SLCO2A1: variants seen among roughly 807,000 people sequenced by gnomAD.
The protein encoded by SLCO2A1 is solute carrier organic anion transporter family member 2A1.
A neutral mutation model predicts 71.7 loss-of-function variants in SLCO2A1; 60 were observed. The observed-to-expected ratio is 0.84, with a 90% CI of 0.68 to 1.04. The LOEUF (loss-of-function observed/expected upper bound fraction) is 1.04, where lower values mean the gene tolerates loss of function less well. Among genes scored for constraint, SLCO2A1 ranks in the 50% least tolerant of loss-of-function variants. The probability of loss-of-function intolerance (pLI) is 0.00; values close to 1 mark genes in which losing one functional copy is unlikely to be tolerated. For missense variants in SLCO2A1, 745 were observed against 813.4 expected (o/e 0.92, Z 1.02); for synonymous variants, 308 against 326.7 (o/e 0.94, Z 0.62).
intron 3 of SLCO2A1, among the ~76,000 whole-genome samples, chr3:133,960,898 G>A (rs1323414895): frequency 6.6e-6 from 1 of 152,016 alleles, no homozygotes; most frequent in East Asian, 1.9e-4. Context: ...GATAAGGGTG[G>A]GGAAGTGGGG....
intron 1 of SLCO2A1, among the ~76,000 whole-genome samples, chr3:134,022,406 T>G (rs758749652): frequency 1.3e-4 from 20 of 152,166 alleles, no homozygotes; most frequent in Non-Finnish European, 2.1e-4. Flanking sequence ...CATTTTTACC[T>G]ACATTAAAAA....
At chr3:133,964,904 G>A (rs35893889) in intron 3 of SLCO2A1, among the ~76,000 whole-genome samples, 16,744 of 152,264 alleles carry the variant, frequency 0.11, 966 homozygotes, top group Middle Eastern at 0.2. Context: ...CCAGCACATG[G>A]TCTGGCACCA....
intron 5 of SLCO2A1, among the ~76,000 whole-genome samples, 195 bp downstream of exon 5, chr3:133,953,468 C>A (rs917873752): frequency 1.3e-5 from 2 of 152,222 alleles, no homozygotes; most frequent in African/African-American, 4.8e-5. Context: ...CAGTGGCCAG[C>A]GTGGGCCCTG....
At chr3:134,024,387 G>A (rs1206169168) in intron 1 of SLCO2A1, among the ~76,000 whole-genome samples, 1 of 152,210 alleles carries the variant, frequency 6.6e-6, no homozygotes, top group Non-Finnish European at 1.5e-5. Flanking sequence ...ATTTTTGTGG[G>A]TGACAGTTAA....
chr3:134,029,924 C>A lies in SLCO2A1; in HGVS notation c.-122G>T, dbSNP rs1576467227. 2.2e-6 allele frequency: 1 copy of A among 447,268 alleles called. No individual in the cohort carries two copies. The highest frequency in any genetic ancestry group is 4.0e-5 in the East Asian group (1 of 24,892). 27.7% of individuals were successfully genotyped at this position (447,268 alleles called of 1,614,324 possible). ...CCGGAGGAGATTCGCGGAGCGGAGACTGAGCCAGCGAGTGCGCGCCTAGAA... is the reference window on the plus strand; with the variant it reads ...CCGGAGGAGATTCGCGGAGCGGAGAATGAGCCAGCGAGTGCGCGCCTAGAA... On this transcript the variant is annotated 5_prime_UTR_variant, in exon 1 of 14. Transcript: ENST00000310926.
intron 5 of SLCO2A1, 137 bp from the exon 6 acceptor site, chr3:133,951,481 T>C: frequency 1.9e-6 from 2 of 1,037,166 alleles, no homozygotes; most frequent in Non-Finnish European, 2.8e-6. Flanking sequence ...GCTAGATTCT[T>C]GGTCAAAACA....
In SLCO2A1 at chr3:133,945,175, C is replaced by G. The variant is rs755719931; in HGVS notation, c.1381G>C (p.Asp461His). Residue 461 changes from aspartate to histidine, a missense_variant, in exon 10 of 14, where the codon GAC (aspartate) becomes CAC (histidine). Coordinates refer to ENST00000310926, the MANE Select transcript of SLCO2A1 (RefSeq NM_005630.3). ...PDSIFHPVCG[D>H]NGIEYLSPCH... ...GGGGAGAGGTACTCGATTCCATTGT[C>G]TCCACAGACCGGGTGGAAGATAGAA... 10 of 1,614,006 alleles carry G rather than the reference C, an allele frequency of 6.2e-6. No individual in the cohort carries two copies. The Admixed American group carries it at 1.5e-4, about 24-fold the overall frequency.
chr3:133,942,547 A>G (rs1933452154), intron 11 of SLCO2A1, 58 bp downstream of exon 11: 2 of 1,533,530 alleles, frequency 1.3e-6, no homozygotes, highest in Non-Finnish European at 1.8e-6. Context: ...CGCAAAGTCA[A>G]AGGGAGATGT....
At chr3:134,004,329 T>G (rs1201088583) in intron 1 of SLCO2A1, among the ~76,000 whole-genome samples, 1 of 151,904 alleles carries the variant, frequency 6.6e-6, no homozygotes, top group Non-Finnish European at 1.5e-5. Context: ...ATCACAAGAG[T>G]TTTTTTTGTT....
intron 1 of SLCO2A1, among the ~76,000 whole-genome samples, chr3:134,017,119 G>C (rs1935470021): frequency 6.6e-6 from 1 of 152,212 alleles, no homozygotes; most frequent in Non-Finnish European, 1.5e-5. Context: ...GTATCTTGAA[G>C]TGGTGGGGCG....
At chr3:133,942,535 G>A in intron 11 of SLCO2A1, 70 bp downstream of exon 11, 1 of 1,482,888 alleles carries the variant, frequency 6.7e-7, no homozygotes, top group South Asian at 1.4e-5. Flanking sequence ...CAGGCAACTA[G>A]GCGCAAAGTC....
chr3:133,997,076 A>C (rs538320790), intron 1 of SLCO2A1, among the ~76,000 whole-genome samples: 62 of 152,278 alleles, frequency 4.1e-4, no homozygotes, highest in African/African-American at 1.4e-3. Flanking sequence ...TCAAGAACAA[A>C]GTACCAAAGA....
intron 1 of SLCO2A1, among the ~76,000 whole-genome samples, chr3:133,995,641 G>A (rs184232737): frequency 2.1e-4 from 32 of 152,284 alleles, no homozygotes; most frequent in African/African-American, 5.8e-4. Flanking sequence ...ACCACCATGA[G>A]TGTTTAGGGC....
chr3:133,957,124 A>G (rs1198736247), intron 3 of SLCO2A1, among the ~76,000 whole-genome samples: 1 of 152,150 alleles, frequency 6.6e-6, no homozygotes, highest in Non-Finnish European at 1.5e-5. Flanking sequence ...AGTGGAGCTG[A>G]GTCTCTGCCC....
At chr3:133,983,067 AG>A (rs1208218611) in intron 1 of SLCO2A1, among the ~76,000 whole-genome samples, 1 of 152,108 alleles carries the variant, frequency 6.6e-6, no homozygotes, top group African/African-American at 2.4e-5. Flanking sequence ...CACTCTATCA[AG>A]GGGTGGGTTC....
At chr3:134,026,307 C>A (rs1935699814) in intron 1 of SLCO2A1, among the ~76,000 whole-genome samples, 1 of 151,382 alleles carries the variant, frequency 6.6e-6, no homozygotes. Context: ...CCGTGTGGAC[C>A]CACCCGGAGT....
At position 133,987,509 on chromosome 3, in the gene SLCO2A1, C is replaced by A. The variant is rs144279009; in HGVS notation, c.97-7891G>T. 8.3e-3 allele frequency among the ~76,000 whole-genome samples: 1,260 copies of A among 152,090 alleles called. 11 individuals carry two copies. Among genetic ancestry groups the A allele is most frequent in the Non-Finnish European group, 0.015 (1,004 of 67,990 alleles). ...ATCTACCTATAAACTGGAAGTCCTC[C>A]CCCCACCCCACTTCAAGTTGTCTCG... On this transcript the variant is annotated intron_variant, in intron 1 of 13. Transcript: ENST00000310926.
At chr3:134,007,615 A>G (rs1935247111) in intron 1 of SLCO2A1, among the ~76,000 whole-genome samples, 1 of 152,182 alleles carries the variant, frequency 6.6e-6, no homozygotes, top group South Asian at 2.1e-4. Flanking sequence ...AGATCTTGTT[A>G]GAGACAAACC....
At chr3:134,022,216 C>T (rs1935603535) in intron 1 of SLCO2A1, among the ~76,000 whole-genome samples, 2 of 151,958 alleles carry the variant, frequency 1.3e-5, no homozygotes, top group African/African-American at 4.8e-5. Context: ...GAAGAATTAT[C>T]TGCGAAAGTC....
Sources: gnomAD v4.1 joint callset for allele counts (sites outside exome capture counted in the v4.1 genomes callset) on GRCh38, gnomAD v4.1.1 for gene constraint, MANE v1.5 for transcripts, NCBI Gene and HGNC (gene_info 2026-07-23, HGNC 2026-07-21) for gene names.